The following TMEM39A variants were observed in gnomAD, a reference collection of about 807,000 sequenced individuals.
TMEM39A encodes transmembrane protein 39A.
In TMEM39A, 19 loss-of-function variants were observed where a neutral mutation model predicts 51.9. The ratio of observed to expected loss-of-function variants is 0.37; its 90% CI spans 0.26 to 0.54. The LOEUF (loss-of-function observed/expected upper bound fraction) is 0.54, where lower values mean the gene tolerates loss of function less well. Ranked by LOEUF, TMEM39A falls within the 20% of genes least tolerant of loss-of-function variation. The pLI, the probability that TMEM39A is intolerant of heterozygous loss-of-function variation, is 0.88. For synonymous variants in TMEM39A, 197 were observed against 220.2 expected, an observed-to-expected ratio of 0.89 and a Z score of 0.93; for missense variants, 433 against 590.5, an observed-to-expected ratio of 0.73 and a Z score of 2.76.
chr3:119,430,954 C>T lies in TMEM39A; in HGVS notation c.*1027G>A, dbSNP rs2080890427. The T allele has an allele frequency of 6.6e-6, 1 of 152,212 alleles. No homozygotes were observed. The highest frequency in any genetic ancestry group is 2.1e-4 in the South Asian group (1 of 4,820). 9.4% of individuals were successfully genotyped at this position (152,212 alleles called of 1,614,324 possible). A position where few individuals can be genotyped will look rare whatever the true frequency, so the allele number is the denominator to read the frequency against. On this transcript the variant is annotated 3_prime_UTR_variant, in exon 9 of 9. Transcript: ENST00000319172. Reference sequence around the variant, plus strand: ...ATCAATGGACTAAGTATATCACCTCCCATAACTTAAAAGGCTAATACTCAT... The same window carrying T: ...ATCAATGGACTAAGTATATCACCTCTCATAACTTAAAAGGCTAATACTCAT...
Position 119,463,512 on chromosome 3 carries a change from A to G in TMEM39A, c.-251T>C, listed in dbSNP as rs2282174. 0.17 allele frequency: 66,134 copies of G among 398,736 alleles called. 6,094 individuals are homozygous for G. The highest frequency in any genetic ancestry group is 0.21 in the Admixed American group (4,733 of 22,728). The allele number at this position is 398,736 out of a possible 1,614,324, so 24.7% of individuals were successfully genotyped here. ...AAAGGTGTCCAGGCTTCGGGCTGCC[A>G]GACTCAGACCCAGACTCCGACGCAG... On this transcript the variant is annotated 5_prime_UTR_variant, in exon 1 of 9. Transcript: ENST00000319172.
intron 4 of TMEM39A, among the ~76,000 whole-genome samples, chr3:119,450,850 A>AAAAAAAAAAAAAATAAAAT (rs2081188920): frequency 6.6e-6 from 1 of 151,222 alleles, no homozygotes; most frequent in African/African-American, 2.4e-5. Context: ...AAAAAAAAAA[A>AAAAAAAAAAAAAATAAAAT]AGAATTGCAA....
chr3:119,443,921 T>C (rs1192924952), intron 5 of TMEM39A, among the ~76,000 whole-genome samples: 1 of 151,580 alleles, frequency 6.6e-6, no homozygotes, highest in African/African-American at 2.4e-5. Context: ...TAAAATAAAA[T>C]AAAATAAAAT....
In TMEM39A at chr3:119,431,890, A is replaced by C; in HGVS notation, c.*91T>G. 1 of 884,738 alleles carries C rather than the reference A, an allele frequency of 1.1e-6. No homozygotes were observed. The highest frequency in any genetic ancestry group is 1.7e-6 in the Non-Finnish European group (1 of 605,780). 54.8% of individuals were successfully genotyped at this position (884,738 alleles called of 1,614,324 possible). A position where few individuals can be genotyped will look rare whatever the true frequency, so the allele number is the denominator to read the frequency against. On this transcript the variant is annotated 3_prime_UTR_variant, in exon 9 of 9. Coordinates refer to ENST00000319172, the MANE Select transcript of TMEM39A (RefSeq NM_018266.3). ...AAACATAATAGTATACAAAATATAA[A>C]ATATCTTAAATATTTATAAAAATCA...
chr3:119,447,253 AG>A, intron 4 of TMEM39A, 81 bp from the exon 5 acceptor site: 1 of 1,440,658 alleles, frequency 6.9e-7, no homozygotes. Flanking sequence ...AGAACTTAAT[AG>A]GTTTAGTGGA....
chr3:119,463,609 G>T lies in TMEM39A; in HGVS notation c.-348C>A, dbSNP rs983008454. On this transcript the variant is annotated 5_prime_UTR_variant, in exon 1 of 9. Coordinates refer to ENST00000319172, the MANE Select transcript of TMEM39A (RefSeq NM_018266.3). The stretch of plus-strand genomic sequence containing the variant: ...ACCCATCCCTAGCCTCCATTACCGC[G>T]GAGCTGAGCAGACGTGGCAGCGCAC... The T allele has an allele frequency of 5.0e-6, 2 of 398,648 alleles. No homozygotes were observed. The highest frequency in any genetic ancestry group is 8.8e-5 in the Admixed American group (2 of 22,724). The allele number at this position is 398,648 out of a possible 1,614,324, so 24.7% of individuals were successfully genotyped here.
At position 119,429,583 on chromosome 3, in the gene TMEM39A, A is replaced by G. The variant is rs765553111; in HGVS notation, c.*2398T>C. ...TAGTGTCCCTTCTGTTACATGAACTATAATAGGATATCCGGGTAACTAGTA... is the reference window on the plus strand; with the variant it reads ...TAGTGTCCCTTCTGTTACATGAACTGTAATAGGATATCCGGGTAACTAGTA... On this transcript the variant is annotated 3_prime_UTR_variant, in exon 9 of 9. Transcript: ENST00000319172. 12 of 152,140 alleles carry G rather than the reference A, an allele frequency of 7.9e-5. No homozygotes were observed. Among genetic ancestry groups the G allele is most frequent in the Admixed American group, 6.6e-4 (10 of 15,262 alleles). 9.4% of individuals were successfully genotyped at this position (152,140 alleles called of 1,614,324 possible).
chr3:119,447,278 C>G, intron 4 of TMEM39A, 106 bp from the exon 5 acceptor site: 1 of 1,173,488 alleles, frequency 8.5e-7, no homozygotes, highest in Non-Finnish European at 1.2e-6. Context: ...TAAAATGTGT[C>G]TTTAAAAAGT....
At chr3:119,448,263 G>A (rs928390283) in intron 4 of TMEM39A, among the ~76,000 whole-genome samples, 5 of 152,062 alleles carry the variant, frequency 3.3e-5, no homozygotes, top group African/African-American at 1.2e-4. Flanking sequence ...AACTTACTCT[G>A]CAATGCCATT....
At chr3:119,454,812 T>C (rs985201696) in intron 3 of TMEM39A, among the ~76,000 whole-genome samples, 1 of 152,090 alleles carries the variant, frequency 6.6e-6, no homozygotes, top group African/African-American at 2.4e-5. Context: ...AATATTTAAG[T>C]GCCTAATACA....
chr3:119,439,560 C>CA (rs200699609), intron 5 of TMEM39A, among the ~76,000 whole-genome samples: 22,938 of 119,822 alleles, frequency 0.19, 2,372 homozygotes, highest in Middle Eastern at 0.32. Context: ...CCCTGGGCAA[C>CA]AAGAGTGAAA....
In TMEM39A at chr3:119,435,821, G is replaced by T. The variant is rs1435967789; in HGVS notation, c.1113-939C>A. 1.7e-5 allele frequency: 22 copies of T among 1,286,736 alleles called. No homozygotes were observed. The Admixed American group carries it at 5.1e-4, about 30-fold the overall frequency. The allele number at this position is 1,286,736 out of a possible 1,614,324, so 79.7% of individuals were successfully genotyped here. On this transcript the variant is annotated intron_variant, in intron 7 of 8. Transcript: ENST00000319172. ...AGTAGCCTGAAGATGTACAGTACTA[G>T]TACTGTGGATTGTATTTTCAATTTT... is the stretch of plus-strand genomic sequence containing the variant.
intron 5 of TMEM39A, among the ~76,000 whole-genome samples, chr3:119,438,445 T>C (rs923892918): frequency 1.3e-5 from 2 of 152,370 alleles, no homozygotes; most frequent in Admixed American, 1.3e-4. Flanking sequence ...TATGCTTTTT[T>C]CCTTTTGTGT....
chr3:119,442,092 G>A (rs1332432403), intron 5 of TMEM39A, among the ~76,000 whole-genome samples: 2 of 152,182 alleles, frequency 1.3e-5, no homozygotes, highest in East Asian at 1.9e-4. Context: ...TGTAATCCCA[G>A]CACTTTGGGA....
At chr3:119,438,659 T>C (rs1333812213) in intron 5 of TMEM39A, among the ~76,000 whole-genome samples, 1 of 152,222 alleles carries the variant, frequency 6.6e-6, no homozygotes, top group Non-Finnish European at 1.5e-5. Flanking sequence ...AAACAGGCTG[T>C]TTCTTATTTT....
At chr3:119,456,691 T>C (rs2081269079) in intron 3 of TMEM39A, among the ~76,000 whole-genome samples, 1 of 152,232 alleles carries the variant, frequency 6.6e-6, no homozygotes, top group Admixed American at 6.5e-5. Flanking sequence ...ACTGTAGTCT[T>C]GATCTCCTGG....
chr3:119,457,717 T>C (rs2081284230), intron 3 of TMEM39A, among the ~76,000 whole-genome samples: 1 of 152,218 alleles, frequency 6.6e-6, no homozygotes. Flanking sequence ...CACTGACACC[T>C]TATACTTACA....
chr3:119,440,611 G>C (rs569852785), intron 5 of TMEM39A, among the ~76,000 whole-genome samples: 1 of 152,144 alleles, frequency 6.6e-6, no homozygotes, highest in Admixed American at 6.5e-5. Context: ...GTAAGAAAAA[G>C]AGGCAGAAAA....
chr3:119,441,885 C>T (rs2081057915), intron 5 of TMEM39A, among the ~76,000 whole-genome samples: 1 of 152,222 alleles, frequency 6.6e-6, no homozygotes, highest in Non-Finnish European at 1.5e-5. Flanking sequence ...GCTTATTTAC[C>T]ATTCCAAAAA....
Sources: allele counts gnomAD v4.1 joint callset (sites outside exome capture counted in the v4.1 genomes callset), GRCh38; gene constraint gnomAD v4.1.1; transcripts MANE v1.5; gene names NCBI Gene and HGNC (gene_info 2026-07-23, HGNC 2026-07-21).